Variants in NOX3 observed in about 807,000 individuals in gnomAD.
The protein encoded by NOX3 is NADPH oxidase 3.
NOX3 carries 74 observed loss-of-function variants against 76.7 expected under a neutral mutation model. That is an observed-to-expected ratio of 0.96 (90% CI 0.80 to 1.17). NOX3 has a LOEUF of 1.17. Among genes scored for constraint, NOX3 ranks in the 50% most tolerant of loss-of-function variants. The probability of loss-of-function intolerance (pLI) is 0.00; values close to 1 mark genes in which losing one functional copy is unlikely to be tolerated. For synonymous variants in NOX3, 263 were observed against 261.1 expected, an observed-to-expected ratio of 1.01 and a Z score of -0.07; for missense variants, 695 against 703.3, an observed-to-expected ratio of 0.99 and a Z score of 0.13.
chr6:155,418,280 G>A lies in NOX3; in HGVS notation c.1308+4414C>T, dbSNP rs546846150. ...GTGTGATGTAGAATTAATCATACCCGTTAGGCAGGAGGTGGAGGACTTTAT... is the reference window on the plus strand; with the variant it reads ...GTGTGATGTAGAATTAATCATACCCATTAGGCAGGAGGTGGAGGACTTTAT... On this transcript the variant is annotated intron_variant, in intron 10 of 13. Transcript: ENST00000159060. Among the ~76,000 whole-genome samples, 20 of 151,932 alleles carry A rather than the reference G, an allele frequency of 1.3e-4. No individual in the cohort carries two copies. In the South Asian group the frequency reaches 2.9e-3, roughly 22 times the overall value.
At chr6:155,438,645 G>A (rs913064820) in intron 6 of NOX3, among the ~76,000 whole-genome samples, 14 of 152,208 alleles carry the variant, frequency 9.2e-5, no homozygotes, top group African/African-American at 3.4e-4. Flanking sequence ...TTGTTGACTT[G>A]TGGAAGGGCA....
At position 155,411,299 on chromosome 6, in the gene NOX3, A is replaced by T. The variant is rs779588992; in HGVS notation, c.1370T>A (p.Leu457His). The change falls in exon 11 of 14, where the codon CTC becomes CAC. Residue 457 changes from leucine to histidine, a missense_variant. Leu to His is a moderately conservative substitution (Grantham distance 99). Transcript: ENST00000159060. Reference protein sequence around the residue: ...RAFEWFADLLLSLETRMSEQG... With the variant: ...RAFEWFADLLHSLETRMSEQG... ...CTCACTCATCCGTGTTTCCAGGGAG[A>T]GTAAGAGATCAGCAAACCACTCAAA... The T allele has an allele frequency of 1.2e-6, 2 of 1,614,066 alleles. No individual in the cohort carries two copies. The highest frequency in any genetic ancestry group is 2.2e-5 in the South Asian group (2 of 91,070).
At chr6:155,427,005 G>GTGTGTA in intron 9 of NOX3, among the ~76,000 whole-genome samples, 2 of 142,998 alleles carry the variant, frequency 1.4e-5, no homozygotes, top group Non-Finnish European at 3.1e-5. Context: ...GTGTGTGTGT[G>GTGTGTA]TGTGTGTGTG....
Position 155,428,827 on chromosome 6 carries a change from C to A in NOX3, c.1112G>T (p.Gly371Val), listed in dbSNP as rs924913824. 13 of 1,555,468 alleles carry A rather than the reference C, an allele frequency of 8.4e-6. No individual in the cohort carries two copies. The African/African-American group carries it at 1.1e-4, about 13-fold the overall frequency. The change falls in exon 9 of 14, where the codon GGA becomes GTA. Residue 371 changes from glycine to valine, a missense_variant. Transcript: ENST00000159060. ...GCTCCAGGGCTCCTGGAGGGCCTGT[C>A]CCTCTGCCCCAAAGGCCTCCAGTAG... ...AALLEAFGAE[G>V]QALQEPWSLP...
intron 3 of NOX3, 147 bp downstream of exon 3, chr6:155,454,664 G>T: frequency 1.7e-6 from 1 of 581,690 alleles, no homozygotes. Context: ...CCGTTTTTCT[G>T]TCTTAGCCTT....
intron 4 of NOX3, among the ~76,000 whole-genome samples, chr6:155,452,144 C>A (rs753116187): frequency 2.6e-5 from 4 of 152,170 alleles, no homozygotes; most frequent in Admixed American, 6.5e-5. Flanking sequence ...TATCAAGGAG[C>A]GATCTGGTCT....
At chr6:155,432,353 A>T (rs1478998924) in intron 7 of NOX3, among the ~76,000 whole-genome samples, 2 of 141,278 alleles carry the variant, frequency 1.4e-5, no homozygotes, top group Non-Finnish European at 3.0e-5. Context: ...ATGTCCCTAC[A>T]CTTCCTCCTA....
rs1582946070 is a variant in NOX3, at chr6:155,443,294, G to A, written c.465C>T (p.Asn155=). The change falls in exon 5 of 14, where the codon AAC becomes AAT. Residue 155 remains asparagine (N), a synonymous_variant. Transcript: ENST00000159060. ...LGNTPNESYL[N]PVRTFPTNTT... ...TCACTGTGGGGAAGGTCCGGACAGG[G>A]TTGAGGTAGCTCTCGTTAGGGGTGT... The A allele has an allele frequency of 6.2e-7, 1 of 1,614,100 alleles. No homozygotes were observed. The highest frequency in any genetic ancestry group is 8.5e-7 in the Non-Finnish European group (1 of 1,179,950).
intron 4 of NOX3, among the ~76,000 whole-genome samples, chr6:155,452,206 A>C (rs1021730491): frequency 6.6e-6 from 1 of 152,166 alleles, no homozygotes; most frequent in African/African-American, 2.4e-5. Context: ...GGGGAGCTTC[A>C]TTCTAATTTT....
At chr6:155,425,058 C>G (rs1484068364) in intron 9 of NOX3, among the ~76,000 whole-genome samples, 1 of 152,302 alleles carries the variant, frequency 6.6e-6, no homozygotes, top group Non-Finnish European at 1.5e-5. Context: ...TGCTCATATA[C>G]CTATGTTAAA....
At chr6:155,425,900 C>G (rs1776749424) in intron 9 of NOX3, among the ~76,000 whole-genome samples, 1 of 152,278 alleles carries the variant, frequency 6.6e-6, no homozygotes, top group Middle Eastern at 3.4e-3. Context: ...CTCCCTTTTT[C>G]TTGGGTTTAG....
At chr6:155,432,707 G>A (rs1290875441) in intron 7 of NOX3, among the ~76,000 whole-genome samples, 1 of 152,110 alleles carries the variant, frequency 6.6e-6, no homozygotes, top group Admixed American at 6.5e-5. Context: ...ACCTATGGGG[G>A]CAACACAAGG....
At chr6:155,436,892 G>A (rs1247586615) in intron 6 of NOX3, among the ~76,000 whole-genome samples, 1 of 152,208 alleles carries the variant, frequency 6.6e-6, no homozygotes, top group Non-Finnish European at 1.5e-5. Flanking sequence ...TCTGATTGCT[G>A]ATTTGGGCTA....
intron 6 of NOX3, among the ~76,000 whole-genome samples, chr6:155,438,799 C>T (rs1216976824): frequency 6.6e-6 from 1 of 152,196 alleles, no homozygotes; most frequent in African/African-American, 2.4e-5. Context: ...GGACAGGACC[C>T]TCCATGCTCA....
intron 7 of NOX3, 83 bp downstream of exon 7, chr6:155,436,334 GC>G: frequency 6.7e-7 from 1 of 1,488,594 alleles, no homozygotes; most frequent in African/African-American, 1.4e-5. Context: ...GGTGAAATGT[GC>G]TTTCTTTTTT....
chr6:155,428,300 C>T (rs1236440543), intron 9 of NOX3, among the ~76,000 whole-genome samples: 3 of 152,216 alleles, frequency 2.0e-5, no homozygotes, highest in African/African-American at 7.2e-5. Flanking sequence ...GGGTTGCAGA[C>T]ATAATGAATA....
chr6:155,429,783 A>G (rs1776808334), intron 8 of NOX3, among the ~76,000 whole-genome samples: 1 of 152,192 alleles, frequency 6.6e-6, no homozygotes, highest in African/African-American at 2.4e-5. Context: ...GGTATAAGGG[A>G]ACAAAATCTA....
At chr6:155,441,075 T>C (rs764463981) in intron 5 of NOX3, among the ~76,000 whole-genome samples, 2 of 152,244 alleles carry the variant, frequency 1.3e-5, no homozygotes, top group African/African-American at 2.4e-5. Context: ...AATTCTGACC[T>C]GTGAGTGCAA....
At chr6:155,410,807 A>C (rs1043952800) in intron 11 of NOX3, among the ~76,000 whole-genome samples, 2 of 152,186 alleles carry the variant, frequency 1.3e-5, no homozygotes, top group African/African-American at 4.8e-5. Context: ...GAATGTAAAC[A>C]CCTAGGAATC....
Sources: allele counts gnomAD v4.1 joint callset (sites outside exome capture counted in the v4.1 genomes callset), GRCh38; gene constraint gnomAD v4.1.1; transcripts MANE v1.5; gene names NCBI Gene and HGNC (gene_info 2026-07-23, HGNC 2026-07-21).